The following CACNA2D1 variants were observed in gnomAD, a reference collection of about 807,000 sequenced individuals.
The protein encoded by CACNA2D1 is calcium voltage-gated channel auxiliary subunit alpha2delta 1.
Under a neutral mutation model 171.5 loss-of-function variants are expected in CACNA2D1, and 53 were observed. The ratio of observed to expected loss-of-function variants is 0.31; its 90% CI spans 0.25 to 0.39. The LOEUF (loss-of-function observed/expected upper bound fraction) is 0.39, where lower values mean the gene tolerates loss of function less well. CACNA2D1 is among the 10% of genes least tolerant of loss of function. CACNA2D1 has a pLI of 1.00. For synonymous variants in CACNA2D1, 442 were observed against 443.1 expected, an observed-to-expected ratio of 1.00 and a Z score of 0.03; for missense variants, 903 against 1,299.8, an observed-to-expected ratio of 0.69 and a Z score of 4.69.
chr7:82,045,843 T>C (rs560273627), intron 10 of CACNA2D1, among the ~76,000 whole-genome samples: 1 of 152,230 alleles, frequency 6.6e-6, no homozygotes, highest in East Asian at 1.9e-4. Context: ...AAATGAGGTG[T>C]ACGATGTTAA....
At chr7:82,416,660 T>C (rs1355027017) in intron 1 of CACNA2D1, among the ~76,000 whole-genome samples, 1 of 152,230 alleles carries the variant, frequency 6.6e-6, no homozygotes, top group Non-Finnish European at 1.5e-5. Flanking sequence ...TTCTTCCTTT[T>C]TATAAGGACA....
At chr7:82,103,810 T>C (rs982891245) in intron 6 of CACNA2D1, among the ~76,000 whole-genome samples, 11 of 152,128 alleles carry the variant, frequency 7.2e-5, no homozygotes, top group African/African-American at 2.2e-4. Flanking sequence ...TATGTATAGT[T>C]AATTCTACTG....
chr7:81,987,312 G>A (rs1025994552), intron 21 of CACNA2D1, among the ~76,000 whole-genome samples: 3 of 152,114 alleles, frequency 2.0e-5, no homozygotes, highest in Non-Finnish European at 4.4e-5. Flanking sequence ...ATATAAAACT[G>A]ATAGACCAAG....
At chr7:82,181,366 T>C (rs1363648266) in intron 3 of CACNA2D1, among the ~76,000 whole-genome samples, 1 of 152,218 alleles carries the variant, frequency 6.6e-6, no homozygotes, top group Admixed American at 6.5e-5. Context: ...TTGGTGACTC[T>C]GCATTTTGGA....
intron 6 of CACNA2D1, among the ~76,000 whole-genome samples, chr7:82,110,645 C>T (rs1788269497): frequency 6.6e-6 from 1 of 152,136 alleles, no homozygotes. Context: ...ACAATGGTCT[C>T]CCTGCTGATT....
intron 3 of CACNA2D1, among the ~76,000 whole-genome samples, chr7:82,209,619 G>A (rs1336308536): frequency 6.6e-6 from 1 of 152,132 alleles, no homozygotes; most frequent in Non-Finnish European, 1.5e-5. Context: ...ACAGTTATAA[G>A]AAGATAGATT....
At chr7:81,956,265 C>T (rs1298372712) in intron 38 of CACNA2D1, among the ~76,000 whole-genome samples, 1 of 151,818 alleles carries the variant, frequency 6.6e-6, no homozygotes, top group Admixed American at 6.6e-5. Context: ...TGAACCACTG[C>T]ACCCAGCCGT....
At chr7:82,026,514 C>T (rs1282439127) in intron 12 of CACNA2D1, among the ~76,000 whole-genome samples, 1 of 151,536 alleles carries the variant, frequency 6.6e-6, no homozygotes, top group African/African-American at 2.4e-5. Flanking sequence ...ACACATTGGC[C>T]ATTTGAAAGA....
At chr7:82,021,081 GGAAGTAATCT>G (rs1415928590) in intron 12 of CACNA2D1, 1 of 152,072 alleles carries the variant, frequency 6.6e-6, no homozygotes, top group Non-Finnish European at 1.5e-5. Context: ...CAGATTATAA[GGAAGTAATCT>G]GAAGTTTCCT....
intron 36 of CACNA2D1, among the ~76,000 whole-genome samples, chr7:81,961,444 AAG>A (rs1469740091): frequency 6.6e-6 from 1 of 151,892 alleles, no homozygotes; most frequent in Admixed American, 6.6e-5. Flanking sequence ...AAAACAAAAC[AAG>A]ACTTTTTTTT....
At chr7:82,014,929 C>A (rs1181254089) in intron 12 of CACNA2D1, among the ~76,000 whole-genome samples, 1 of 152,036 alleles carries the variant, frequency 6.6e-6, no homozygotes, top group South Asian at 2.1e-4. Flanking sequence ...ATGGTGGGTG[C>A]CTGTAATCCC....
At chr7:82,337,998 A>G (rs989754618) in intron 2 of CACNA2D1, among the ~76,000 whole-genome samples, 2 of 152,164 alleles carry the variant, frequency 1.3e-5, no homozygotes, top group Non-Finnish European at 2.9e-5. Context: ...ATGGTTTGTG[A>G]GATAGCCAAA....
At chr7:82,018,457 T>A (rs1351105767) in intron 12 of CACNA2D1, among the ~76,000 whole-genome samples, 1 of 152,166 alleles carries the variant, frequency 6.6e-6, no homozygotes, top group Admixed American at 6.5e-5. Context: ...ATTTTGCAAT[T>A]TGGGCTGTTT....
chr7:82,248,022 A>G (rs965220099), intron 3 of CACNA2D1, among the ~76,000 whole-genome samples: 3 of 152,154 alleles, frequency 2.0e-5, no homozygotes, highest in Non-Finnish European at 4.4e-5. Context: ...ACTGCCACCT[A>G]TCTACCACCT....
At chr7:82,441,324 A>C (rs2129460038) in intron 1 of CACNA2D1, among the ~76,000 whole-genome samples, 1 of 152,208 alleles carries the variant, frequency 6.6e-6, no homozygotes, top group Non-Finnish European at 1.5e-5. Flanking sequence ...AAATATTGTT[A>C]AGATTACCTA....
At chr7:82,360,508 T>C (rs1399737502) in intron 1 of CACNA2D1, among the ~76,000 whole-genome samples, 2 of 152,176 alleles carry the variant, frequency 1.3e-5, no homozygotes, top group African/African-American at 4.8e-5. Context: ...CTACTTTCAT[T>C]AACATAACAA....
At chr7:82,040,323 G>A (rs1803781320) in intron 10 of CACNA2D1, among the ~76,000 whole-genome samples, 1 of 152,050 alleles carries the variant, frequency 6.6e-6, no homozygotes, top group African/African-American at 2.4e-5. Context: ...TTGAGGAATA[G>A]AGAAGAGAAG....
intron 3 of CACNA2D1, among the ~76,000 whole-genome samples, chr7:82,259,549 T>C (rs1223290903): frequency 1.3e-5 from 2 of 152,162 alleles, no homozygotes; most frequent in African/African-American, 4.8e-5. Context: ...GAATGTGATA[T>C]TAACTATATA....
In CACNA2D1 at chr7:82,013,493, G is replaced by A; in HGVS notation, c.1240C>T (p.Pro414Ser). The A allele has an allele frequency of 9.3e-7, 1 of 1,072,724 alleles. No individual in the cohort carries two copies. The highest frequency in any genetic ancestry group is 1.3e-6 in the Non-Finnish European group (1 of 770,678). 66.5% of individuals were successfully genotyped at this position (1,072,724 alleles called of 1,614,324 possible). A position where few individuals can be genotyped will look rare whatever the true frequency, so the allele number is the denominator to read the frequency against. The change falls in exon 14 of 39, where the codon CCT (proline) becomes TCT (serine). Residue 414 changes from proline to serine, a missense_variant. Physicochemically the swap from Pro to Ser is moderately conservative, Grantham distance 74. Transcript: ENST00000356860. ...CENKGYYYEIPSIGAIRINTQ... is the reference protein window; with the variant it reads ...CENKGYYYEISSIGAIRINTQ... ...TTGATTCTTATTGCACCAATGGAAG[G>A]AATTTCATAATAATAACCTGAAATA...
Sources: gnomAD v4.1 joint callset for allele counts (sites outside exome capture counted in the v4.1 genomes callset) on GRCh38, gnomAD v4.1.1 for gene constraint, MANE v1.5 for transcripts, NCBI Gene and HGNC (gene_info 2026-07-23, HGNC 2026-07-21) for gene names.